Variants in EIPR1 observed in about 807,000 individuals in gnomAD.
EIPR1 encodes the protein EARP complex and GARP complex interacting protein 1.
A neutral mutation model predicts 48.1 loss-of-function variants in EIPR1; 25 were observed. That is an observed-to-expected ratio of 0.52 (90% CI 0.38 to 0.73). The LOEUF is 0.73. EIPR1 is among the 30% of genes least tolerant of loss of function. The pLI is 0.00. For missense variants in EIPR1, 415 were observed against 506.2 expected, an observed-to-expected ratio of 0.82 and a Z score of 1.73; for synonymous variants, 204 against 201.9, an observed-to-expected ratio of 1.01 and a Z score of -0.09.
chr2:3,275,953 A>G (rs1208264534), intron 3 of EIPR1, among the ~76,000 whole-genome samples: 2 of 152,206 alleles, frequency 1.3e-5, no homozygotes, highest in African/African-American at 4.8e-5. Flanking sequence ...ACAAAAAGAG[A>G]ACTCAAGGCT....
In EIPR1 at chr2:3,218,911, G is replaced by A. The variant is rs891259093; in HGVS notation, c.417-4663C>T. ...AGTGAGTCAGGTGCACACCCAACAC[G>A]GCCCCGATACGCTCTAGAGCATTCA... On this transcript the variant is annotated intron_variant, in intron 4 of 8. Coordinates refer to ENST00000382125, the MANE Select transcript of EIPR1 (RefSeq NM_003310.5). Among the ~76,000 whole-genome samples, 75 of 147,804 alleles carry A rather than the reference G, an allele frequency of 5.1e-4. 1 individual carries two copies. The highest frequency in any genetic ancestry group is 1.2e-4 in the Non-Finnish European group (8 of 66,996).
rs34369907 is a variant in EIPR1 at position 3,253,009 on chromosome 2, G to A, written c.416+4290C>T. The stretch of plus-strand genomic sequence containing the variant: ...CCATGATGGGAAGTGGGGATCGGAC[G>A]TGCCTCATTCTACCTCTCTGGCATC... On this transcript the variant is annotated intron_variant, in intron 4 of 8. Coordinates refer to ENST00000382125, the MANE Select transcript of EIPR1 (RefSeq NM_003310.5). Among the ~76,000 whole-genome samples, 140 of 152,292 alleles carry A rather than the reference G, an allele frequency of 9.2e-4. 1 individual carries two copies. The Middle Eastern group carries it at 0.017, about 18-fold the overall frequency.
At chr2:3,338,801 A>T (rs969494220) in intron 2 of EIPR1, among the ~76,000 whole-genome samples, 1 of 152,206 alleles carries the variant, frequency 6.6e-6, no homozygotes, top group Non-Finnish European at 1.5e-5. Flanking sequence ...TACTATCTCC[A>T]TGCTTTCCAG....
At chr2:3,249,668 A>G (rs1016919519) in intron 4 of EIPR1, among the ~76,000 whole-genome samples, 1 of 152,194 alleles carries the variant, frequency 6.6e-6, no homozygotes, top group African/African-American at 2.4e-5. Context: ...ACAATGGGAA[A>G]AAGGCCTTGA....
At chr2:3,240,268 C>CCTAA (rs1558244364) in intron 4 of EIPR1, among the ~76,000 whole-genome samples, 1 of 18,944 alleles carries the variant, frequency 5.3e-5, no homozygotes, top group East Asian at 1.6e-3. Flanking sequence ...GACTCTTCCT[C>CCTAA]AGGAACAGCC....
At chr2:3,276,416 TATAAC>T (rs1176677854) in intron 3 of EIPR1, among the ~76,000 whole-genome samples, 1 of 152,250 alleles carries the variant, frequency 6.6e-6, no homozygotes, top group Admixed American at 6.5e-5. Context: ...AATTTTTTCT[TATAAC>T]ATGTAAGAGA....
At chr2:3,318,703 T>C (rs1467750918) in intron 3 of EIPR1, among the ~76,000 whole-genome samples, 2 of 152,220 alleles carry the variant, frequency 1.3e-5, no homozygotes, top group Non-Finnish European at 2.9e-5. Flanking sequence ...CATTCTGCAA[T>C]GCTCAGCTCT....
intron 4 of EIPR1, among the ~76,000 whole-genome samples, chr2:3,233,273 C>T (rs1202176741): frequency 1.3e-5 from 2 of 151,920 alleles, no homozygotes; most frequent in African/African-American, 4.8e-5. Flanking sequence ...TAATTCTTTC[C>T]AAAGGGCACA....
intron 2 of EIPR1, among the ~76,000 whole-genome samples, chr2:3,340,354 G>A (rs937795020): frequency 1.3e-5 from 2 of 152,200 alleles, no homozygotes; most frequent in African/African-American, 4.8e-5. Context: ...GCTTGCCCGA[G>A]GCAGAGCAGG....
chr2:3,345,707 C>A (rs1002610022), intron 2 of EIPR1, among the ~76,000 whole-genome samples: 3 of 151,908 alleles, frequency 2.0e-5, no homozygotes, highest in East Asian at 3.8e-4. Flanking sequence ...GGGTACAATT[C>A]ACAGAAGAAA....
chr2:3,214,042 C>T (rs1270123131), intron 5 of EIPR1, 107 bp downstream of exon 5: 37 of 1,021,772 alleles, frequency 3.6e-5, no homozygotes, highest in Non-Finnish European at 5.2e-5. Flanking sequence ...ATGTTCCCCA[C>T]CCTGTGTCCA....
At chr2:3,267,572 T>C (rs982035844) in intron 3 of EIPR1, among the ~76,000 whole-genome samples, 8 of 152,220 alleles carry the variant, frequency 5.3e-5, no homozygotes, top group African/African-American at 1.7e-4. Context: ...GCTTCTGATA[T>C]AAAGATTGAG....
chr2:3,271,234 T>A (rs1667693268), intron 3 of EIPR1, among the ~76,000 whole-genome samples: 1 of 152,220 alleles, frequency 6.6e-6, no homozygotes, highest in South Asian at 2.1e-4. Context: ...CCCCTCAAAG[T>A]CATCCACAAG....
intron 3 of EIPR1, among the ~76,000 whole-genome samples, chr2:3,305,969 C>T (rs186645703): frequency 2.4e-4 from 36 of 152,304 alleles, no homozygotes; most frequent in African/African-American, 6.0e-4. Context: ...AATTTCAAAT[C>T]GCTGCTTCCC....
At chr2:3,356,447 G>A (rs751037152) in intron 1 of EIPR1, among the ~76,000 whole-genome samples, 6 of 152,192 alleles carry the variant, frequency 3.9e-5, no homozygotes, top group Non-Finnish European at 8.8e-5. Context: ...AGGCTTAGAG[G>A]AAAAAGTTGT....
intron 3 of EIPR1, among the ~76,000 whole-genome samples, chr2:3,322,990 G>A (rs1024736007): frequency 6.6e-6 from 1 of 152,048 alleles, no homozygotes; most frequent in Non-Finnish European, 1.5e-5. Flanking sequence ...AGCGAAAAGC[G>A]ACAAACGTTA....
At chr2:3,353,082 CTAA>C in intron 2 of EIPR1, 1 of 381,250 alleles carries the variant, frequency 2.6e-6, no homozygotes, top group Non-Finnish European at 5.3e-6. Context: ...ACTTTCATAA[CTAA>C]TAATCATTGT....
At chr2:3,369,718 A>G (rs1434137117) in intron 1 of EIPR1, among the ~76,000 whole-genome samples, 2 of 152,228 alleles carry the variant, frequency 1.3e-5, no homozygotes, top group East Asian at 3.8e-4. Flanking sequence ...TGCTTAGGTA[A>G]ACAAAGCAGC....
intron 3 of EIPR1, among the ~76,000 whole-genome samples, chr2:3,258,850 T>C (rs1667242574): frequency 6.6e-6 from 1 of 152,200 alleles, no homozygotes; most frequent in Non-Finnish European, 1.5e-5. Context: ...CCATCATATA[T>C]TCATATAATG....
Sources: gnomAD v4.1 joint callset for allele counts (sites outside exome capture counted in the v4.1 genomes callset) on GRCh38, gnomAD v4.1.1 for gene constraint, MANE v1.5 for transcripts, NCBI Gene and HGNC (gene_info 2026-07-23, HGNC 2026-07-21) for gene names.